MYO10: variants seen among roughly 807,000 people sequenced by gnomAD.
MYO10 encodes myosin X, also known as unconventional myosin-X.
MYO10 carries 133 observed loss-of-function variants against 257.3 expected under a neutral mutation model. That is an observed-to-expected ratio of 0.52 (90% CI 0.45 to 0.60). MYO10 has a LOEUF of 0.60. MYO10 is among the 20% of genes least tolerant of loss of function. MYO10 has a pLI of 0.00. For missense variants in MYO10, 2,399 were observed against 2,635.7 expected (o/e 0.91, Z 1.97); for synonymous variants, 1,104 against 1,028.6 (o/e 1.07, Z -1.40).
chr5:16,727,207 A>T (rs1292332006), intron 19 of MYO10, among the ~76,000 whole-genome samples: 1 of 152,210 alleles, frequency 6.6e-6, no homozygotes, highest in Non-Finnish European at 1.5e-5. Context: ...TTTTTTTTAC[A>T]CTTCTAAATG....
At chr5:16,814,020 C>T (rs368381700) in intron 3 of MYO10, among the ~76,000 whole-genome samples, 46 of 152,288 alleles carry the variant, frequency 3.0e-4, no homozygotes, top group Non-Finnish European at 5.6e-4. Context: ...ATTCAGCCAA[C>T]GACACAATGA....
chr5:16,835,215 C>T (rs934987349), intron 2 of MYO10, among the ~76,000 whole-genome samples: 3 of 151,994 alleles, frequency 2.0e-5, no homozygotes, highest in Non-Finnish European at 4.4e-5. Flanking sequence ...AGATAACACA[C>T]AAGGTATTTA....
intron 1 of MYO10, among the ~76,000 whole-genome samples, chr5:16,904,700 C>A (rs1398729364): frequency 6.6e-6 from 1 of 152,056 alleles, no homozygotes; most frequent in Non-Finnish European, 1.5e-5. Context: ...GAGGCCGAGG[C>A]GGGCAGATCA....
intron 2 of MYO10, among the ~76,000 whole-genome samples, chr5:16,866,014 AACACACACACACACACACAC>A (rs34718010): frequency 2.9e-5 from 4 of 136,562 alleles, no homozygotes; most frequent in South Asian, 4.8e-4. Flanking sequence ...TATTTACCCA[AACACACACACACACACACAC>A]ACACACACAC....
chr5:16,717,581 T>C (rs1738925932), intron 19 of MYO10, among the ~76,000 whole-genome samples: 1 of 152,184 alleles, frequency 6.6e-6, no homozygotes, highest in Non-Finnish European at 1.5e-5. Context: ...TGGAAGCAAC[T>C]AGAGAATAAA....
At chr5:16,817,132 A>G (rs554450427) in intron 3 of MYO10, among the ~76,000 whole-genome samples, 2 of 152,214 alleles carry the variant, frequency 1.3e-5, no homozygotes, top group Non-Finnish European at 2.9e-5. Flanking sequence ...CTAATTTATT[A>G]TTAATCATAA....
chr5:16,798,651 T>C (rs1231274575), intron 3 of MYO10, among the ~76,000 whole-genome samples: 1 of 152,224 alleles, frequency 6.6e-6, no homozygotes, highest in African/African-American at 2.4e-5. Flanking sequence ...TTGTTTAAAA[T>C]GCCATGTTTG....
intron 1 of MYO10, chr5:16,902,688 T>G (rs1745417179): frequency 1.1e-6 from 1 of 928,672 alleles, no homozygotes; most frequent in African/African-American, 1.6e-5. Flanking sequence ...TTTTGTATTT[T>G]TAGTGGAGAT....
At chr5:16,878,519 GC>G (rs887394530) in intron 1 of MYO10, among the ~76,000 whole-genome samples, 3 of 152,122 alleles carry the variant, frequency 2.0e-5, no homozygotes, top group African/African-American at 7.2e-5. Flanking sequence ...ATCATATTGA[GC>G]TTTTTCAAGG....
At chr5:16,854,234 C>G (rs1452923375) in intron 2 of MYO10, 1 of 152,140 alleles carries the variant, frequency 6.6e-6, no homozygotes, top group Non-Finnish European at 1.5e-5. Flanking sequence ...AATATTAATG[C>G]TGTAAGAATT....
chr5:16,933,073 A>G (rs1746333482), intron 1 of MYO10, among the ~76,000 whole-genome samples: 1 of 152,210 alleles, frequency 6.6e-6, no homozygotes, highest in Non-Finnish European at 1.5e-5. Context: ...CCTATTTAAA[A>G]CAGGGAAGCG....
At chr5:16,833,216 TG>T (rs1425658874) in intron 2 of MYO10, among the ~76,000 whole-genome samples, 1 of 134,650 alleles carries the variant, frequency 7.4e-6, no homozygotes, top group Admixed American at 7.2e-5. Flanking sequence ...TTACTAGGTT[TG>T]TTTTTTTTTT....
Position 16,663,325 on chromosome 5 carries a change from GTTGTTTTTTTTTTTT to G in MYO10, c.*3352_*3366del, listed in dbSNP as rs1736041382. ...GGAAAAAAGTAACATTTTACTTCTAGTTGTTTTTTTTTTTTTTTTTTTTTTTTTTTTTTTTTTTTT... is the reference window on the plus strand; with the variant it reads ...GGAAAAAAGTAACATTTTACTTCTAGTTTTTTTTTTTTTTTTTTTTTTTTT... On this transcript the variant is annotated 3_prime_UTR_variant, in exon 41 of 41. Coordinates refer to ENST00000513610, the MANE Select transcript of MYO10 (RefSeq NM_012334.3). 7.3e-5 allele frequency: 3 copies of G among 41,320 alleles called. No homozygotes were observed. Among genetic ancestry groups the G allele is most frequent in the African/African-American group, 1.3e-4 (1 of 7,436 alleles). 2.6% of individuals were successfully genotyped at this position (41,320 alleles called of 1,614,324 possible).
At chr5:16,811,534 C>T (rs1742441072) in intron 3 of MYO10, among the ~76,000 whole-genome samples, 1 of 152,048 alleles carries the variant, frequency 6.6e-6, no homozygotes, top group Non-Finnish European at 1.5e-5. Flanking sequence ...CTGGCCTTTC[C>T]TTCTCATCAG....
At chr5:16,803,260 C>G (rs79321929) in intron 3 of MYO10, among the ~76,000 whole-genome samples, 1 of 151,924 alleles carries the variant, frequency 6.6e-6, no homozygotes. Flanking sequence ...CCTGTCTCTA[C>G]AAAAAATACA....
chr5:16,815,317 T>C, intron 3 of MYO10: 1 of 634,304 alleles, frequency 1.6e-6, no homozygotes, highest in East Asian at 2.7e-5. Context: ...TATGTACTGG[T>C]TAAGCATAAT....
chr5:16,691,094 C>A (rs154288), intron 27 of MYO10, among the ~76,000 whole-genome samples: 25,649 of 150,686 alleles, frequency 0.17, 2,514 homozygotes, highest in East Asian at 0.26. Context: ...ACGGTGAAAC[C>A]CCATCTCTAC....
At chr5:16,735,324 G>T (rs564230260) in intron 19 of MYO10, among the ~76,000 whole-genome samples, 1 of 152,314 alleles carries the variant, frequency 6.6e-6, no homozygotes, top group East Asian at 1.9e-4. Flanking sequence ...TCAGGCTAAT[G>T]GAGAGAGCTG....
At chr5:16,741,333 C>T (rs1740011190) in intron 19 of MYO10, among the ~76,000 whole-genome samples, 1 of 152,092 alleles carries the variant, frequency 6.6e-6, no homozygotes, top group Admixed American at 6.6e-5. Flanking sequence ...TCCATACTTG[C>T]GTATGAACAG....
Sources: gnomAD v4.1 joint callset for allele counts (sites outside exome capture counted in the v4.1 genomes callset) on GRCh38, gnomAD v4.1.1 for gene constraint, MANE v1.5 for transcripts, NCBI Gene and HGNC (gene_info 2026-07-23, HGNC 2026-07-21) for gene names.